SDK1: variants seen among roughly 807,000 people sequenced by gnomAD.
SDK1 encodes protein sidekick-1.
Under a neutral mutation model 245.5 loss-of-function variants are expected in SDK1, and 157 were observed. That is an observed-to-expected ratio of 0.64 (90% confidence interval 0.56 to 0.73). The LOEUF is 0.73. SDK1 is among the 30% of genes least tolerant of loss of function. The pLI is 0.00. For missense variants in SDK1, 3,583 were observed against 3,002.3 expected (o/e 1.19, Z -4.52); for synonymous variants, 1,647 against 1,278.5 (o/e 1.29, Z -6.15).
chr7:3,614,825 A>G (rs1781717909), intron 1 of SDK1, among the ~76,000 whole-genome samples: 1 of 143,954 alleles, frequency 6.9e-6, no homozygotes, highest in African/African-American at 2.4e-5. Context: ...CTTATAATGA[A>G]TGTTAGTGTC....
intron 14 of SDK1, among the ~76,000 whole-genome samples, chr7:3,991,739 C>G (rs913285190): frequency 2.6e-5 from 4 of 152,172 alleles, no homozygotes; most frequent in African/African-American, 9.7e-5. Context: ...TGCCTCCTGC[C>G]TGTTCTGATT....
At chr7:3,384,742 C>T (rs932811050) in intron 1 of SDK1, among the ~76,000 whole-genome samples, 7 of 152,200 alleles carry the variant, frequency 4.6e-5, no homozygotes. Flanking sequence ...CCTACGTGTA[C>T]ATATGTATAT....
chr7:3,920,245 A>C (rs1474845367), intron 5 of SDK1, among the ~76,000 whole-genome samples: 1 of 152,156 alleles, frequency 6.6e-6, no homozygotes, highest in Non-Finnish European at 1.5e-5. Flanking sequence ...TCGTTGAAAG[A>C]TCTTAGCCTA....
intron 4 of SDK1, among the ~76,000 whole-genome samples, chr7:3,650,756 TTCTAAAGTTTTGTCATC>T (rs1010982246): frequency 8.5e-5 from 13 of 152,176 alleles, no homozygotes; most frequent in African/African-American, 3.1e-4. Context: ...TGCTTTTCCT[TTCTAAAGTTTTGTCATC>T]TCAAGAATGT....
chr7:3,981,439 G>A (rs1015522313), intron 13 of SDK1, among the ~76,000 whole-genome samples: 6 of 151,014 alleles, frequency 4.0e-5, no homozygotes, highest in African/African-American at 1.5e-4. Flanking sequence ...AGAGAGGGTT[G>A]TACGTCTCTC....
intron 44 of SDK1, among the ~76,000 whole-genome samples, chr7:4,250,798 A>G (rs1055036330): frequency 6.6e-6 from 1 of 152,234 alleles, no homozygotes; most frequent in Non-Finnish European, 1.5e-5. Context: ...TTATTGAGTT[A>G]TAATTCATAT....
At chr7:4,149,158 C>T (rs1394376963) in intron 29 of SDK1, 104 bp from the exon 30 acceptor site, 2 of 889,526 alleles carry the variant, frequency 2.2e-6, no homozygotes, top group Non-Finnish European at 3.1e-6. Context: ...AGGCAGCTCT[C>T]ATGGGCAAGC....
At chr7:4,113,988 G>C (rs769525998) in intron 24 of SDK1, 49 bp from the exon 25 acceptor site, 1 of 1,519,192 alleles carries the variant, frequency 6.6e-7, no homozygotes, top group East Asian at 2.3e-5. Context: ...ACCCGTGAGG[G>C]TGGCAGTTCT....
intron 1 of SDK1, among the ~76,000 whole-genome samples, chr7:3,586,735 A>G (rs1239329643): frequency 2.0e-5 from 3 of 151,498 alleles, no homozygotes; most frequent in South Asian, 2.1e-4. Flanking sequence ...AATAGAGGAC[A>G]GAAGCAATTT....
intron 1 of SDK1, among the ~76,000 whole-genome samples, chr7:3,352,810 A>G (rs1780695560): frequency 6.6e-6 from 1 of 152,084 alleles, no homozygotes; most frequent in Non-Finnish European, 1.5e-5. Context: ...AGGAGCATGA[A>G]AAAATTGAGG....
intron 4 of SDK1, among the ~76,000 whole-genome samples, chr7:3,672,739 T>C (rs1288980263): frequency 1.0e-5 from 1 of 97,260 alleles, no homozygotes; most frequent in Non-Finnish European, 2.0e-5. Context: ...ATGTAATATA[T>C]ATTTTTATAA....
intron 1 of SDK1, among the ~76,000 whole-genome samples, chr7:3,566,616 A>G (rs1279306214): frequency 2.6e-5 from 4 of 152,122 alleles, no homozygotes; most frequent in Non-Finnish European, 5.9e-5. Context: ...AGGTATCTGT[A>G]GACAGATGGG....
At chr7:3,880,890 G>T (rs1280509292) in intron 5 of SDK1, among the ~76,000 whole-genome samples, 1 of 152,116 alleles carries the variant, frequency 6.6e-6, no homozygotes, top group Non-Finnish European at 1.5e-5. Flanking sequence ...ACTTACCCTG[G>T]TGAAGGAAAG....
intron 29 of SDK1, among the ~76,000 whole-genome samples, chr7:4,148,074 A>G (rs530586089): frequency 4.4e-4 from 67 of 151,666 alleles, no homozygotes; most frequent in African/African-American, 1.6e-3. Context: ...GCTCAGGGAG[A>G]GGGAATCCAA....
At chr7:3,374,230 C>T (rs1334616144) in intron 1 of SDK1, among the ~76,000 whole-genome samples, 1 of 152,094 alleles carries the variant, frequency 6.6e-6, no homozygotes, top group Non-Finnish European at 1.5e-5. Context: ...GTGGCTCACT[C>T]CTTATGAGCA....
At chr7:3,344,482 C>G (rs887315788) in intron 1 of SDK1, among the ~76,000 whole-genome samples, 2 of 152,120 alleles carry the variant, frequency 1.3e-5, no homozygotes, top group Non-Finnish European at 2.9e-5. Flanking sequence ...CTTGCAGTTT[C>G]AAGATGTGCT....
At chr7:3,742,067 C>T (rs1562409835) in intron 4 of SDK1, among the ~76,000 whole-genome samples, 2 of 148,342 alleles carry the variant, frequency 1.3e-5, no homozygotes, top group Non-Finnish European at 3.0e-5. Context: ...AAAGACAGAG[C>T]ACAAATTTGG....
Position 3,731,135 on chromosome 7 carries a change from A to G in SDK1, c.713+89030A>G, listed in dbSNP as rs575886350. Reference sequence around the variant, plus strand: ...TGTTTCTGCTAGTCTGCACTCACTCATGCATCCATCACCGCAGTGGCAGGG... The same window carrying G: ...TGTTTCTGCTAGTCTGCACTCACTCGTGCATCCATCACCGCAGTGGCAGGG... On this transcript the variant is annotated intron_variant, in intron 4 of 44. Coordinates refer to ENST00000404826, the MANE Select transcript of SDK1 (RefSeq NM_152744.4). Among the ~76,000 whole-genome samples the G allele has an allele frequency of 4.6e-5, 7 of 152,148 alleles. 1 individual carries two copies. The highest frequency in any genetic ancestry group is 2.6e-4 in the Admixed American group (4 of 15,266).
At chr7:3,582,802 A>G (rs944373090) in intron 1 of SDK1, among the ~76,000 whole-genome samples, 1 of 151,336 alleles carries the variant, frequency 6.6e-6, no homozygotes, top group South Asian at 2.1e-4. Flanking sequence ...CACGTTCTCC[A>G]GGCTCTTCAG....
Sources: gnomAD v4.1 joint callset for allele counts (sites outside exome capture counted in the v4.1 genomes callset) on GRCh38, gnomAD v4.1.1 for gene constraint, MANE v1.5 for transcripts, NCBI Gene and HGNC (gene_info 2026-07-23, HGNC 2026-07-21) for gene names.